The following USP2 variants were observed in gnomAD, a reference collection of about 807,000 sequenced individuals.
USP2 encodes the protein ubiquitin carboxyl-terminal hydrolase 2.
Under a neutral mutation model 72.0 loss-of-function variants are expected in USP2, and 33 were observed. That is an observed-to-expected ratio of 0.46 (90% CI 0.35 to 0.61). The LOEUF is 0.61. Ranked by LOEUF, USP2 falls within the 20% of genes least tolerant of loss-of-function variation. The probability of loss-of-function intolerance (pLI) is 0.01; values close to 1 mark genes in which losing one functional copy is unlikely to be tolerated. For missense variants in USP2, 691 were observed against 797.8 expected (o/e 0.87, Z 1.61); for synonymous variants, 296 against 312.5 (o/e 0.95, Z 0.56).
rs1281222263 is a variant in USP2 at position 119,358,788 on chromosome 11, C to T, written c.1222G>A (p.Asp408Asn). The T allele has an allele frequency of 6.2e-7, 1 of 1,614,132 alleles. No individual in the cohort carries two copies. The highest frequency in any genetic ancestry group is 1.7e-5 in the Admixed American group (1 of 60,030). The change falls in exon 7 of 13, where the codon GAC (aspartate) becomes AAC (asparagine). Residue 408 changes from aspartate to asparagine, a missense_variant. Physicochemically the swap from Asp to Asn is conservative, Grantham distance 23. Transcript: ENST00000260187. Reference protein sequence around the residue: ...QMWRKYLEREDSRIGDLFVGQ... With the variant: ...QMWRKYLERENSRIGDLFVGQ... ...ATGCGCTTACCCCCGATCCTACTGT[C>T]TTCCCGTTCTAGATATTTTCTCCAC...
At chr11:119,371,757 C>T (rs1950929938) in intron 2 of USP2, among the ~76,000 whole-genome samples, 1 of 152,108 alleles carries the variant, frequency 6.6e-6, no homozygotes, top group African/African-American at 2.4e-5. Context: ...AGCCCTTCTG[C>T]CCATATGCTT....
chr11:119,358,043 T>C lies in USP2; in HGVS notation c.1360A>G (p.Thr454Ala). The change falls in exon 9 of 13, where the codon ACA (threonine) becomes GCA (alanine). Residue 454 changes from threonine (T) to alanine (A), a missense_variant. By Grantham distance (58) the Thr-to-Ala change is moderately conservative (BLOSUM62 0). Transcript: ENST00000260187. ...PIAKRGYPEV[T>A]LMDCMRLFTK... ...AAGAGCCTCATGCAGTCCATTAATG[T>C]CACCTCAGGATAACCTCGCTGGGAA... 6.2e-7 allele frequency: 1 copy of C among 1,614,150 alleles called. No homozygotes were observed. Among genetic ancestry groups the C allele is most frequent in the South Asian group, 1.1e-5 (1 of 91,078 alleles).
chr11:119,372,599 A>G (rs1186369956), intron 2 of USP2, 108 bp downstream of exon 2: 16 of 1,140,084 alleles, frequency 1.4e-5, no homozygotes, highest in Non-Finnish European at 1.9e-5. Flanking sequence ...CTCCACCAGG[A>G]GCAGCCTGTC....
chr11:119,373,852 C>T (rs573968555), intron 1 of USP2, among the ~76,000 whole-genome samples: 49 of 152,344 alleles, frequency 3.2e-4, no homozygotes, highest in Admixed American at 2.0e-3. Flanking sequence ...TCTTCCAGGT[C>T]AAATCCCATT....
At position 119,379,183 on chromosome 11, in the gene USP2, G is replaced by C. The variant is rs1951033980; in HGVS notation, c.-42+2290C>G. On this transcript the variant is annotated intron_variant, in intron 1 of 12. Transcript: ENST00000260187. ...GACCTCGCAGACTCGCAGAGATGGC[G>C]AGTGCAACTCACTTGCATTCCAAGC... The C allele has an allele frequency of 7.1e-6, 7 of 985,356 alleles. No individual in the cohort carries two copies. In the South Asian group the frequency reaches 3.3e-4, roughly 46 times the overall value. 61.0% of individuals were successfully genotyped at this position (985,356 alleles called of 1,614,324 possible).
intron 2 of USP2, among the ~76,000 whole-genome samples, chr11:119,364,539 C>A (rs1013936993): frequency 2.6e-5 from 4 of 152,222 alleles, no homozygotes; most frequent in African/African-American, 9.6e-5. Flanking sequence ...GGGTGAGCTT[C>A]CCCCAAGGCA....
intron 2 of USP2, chr11:119,363,901 G>T (rs1250387375): frequency 7.5e-7 from 1 of 1,328,946 alleles, no homozygotes. Flanking sequence ...CAGGGACGGG[G>T]AGAGAGGGGA....
chr11:119,370,727 C>T (rs1170054700), intron 2 of USP2, among the ~76,000 whole-genome samples: 1 of 152,206 alleles, frequency 6.6e-6, no homozygotes, highest in Non-Finnish European at 1.5e-5. Flanking sequence ...ACTAGCTCAA[C>T]TGCAGGGCAT....
chr11:119,360,412 ATTTTCTTTTC>A (rs201575647), intron 2 of USP2, 178 bp from the exon 3 acceptor site: 1 of 699,020 alleles, frequency 1.4e-6, no homozygotes, highest in Non-Finnish European at 2.5e-6. Flanking sequence ...AATGCCTGTG[ATTTTCTTTTC>A]TTTTCTTTTT....
chr11:119,362,502 G>T (rs952646293), intron 2 of USP2, among the ~76,000 whole-genome samples: 1 of 152,106 alleles, frequency 6.6e-6, no homozygotes, highest in African/African-American at 2.4e-5. Flanking sequence ...TGTAGAAGGC[G>T]GGTGGATAAC....
Position 119,360,327 on chromosome 11 carries a change from C to G in USP2, c.775-93G>C, listed in dbSNP as rs116519877. On this transcript the variant is annotated intron_variant, in intron 2 of 12. Coordinates refer to ENST00000260187, the MANE Select transcript of USP2 (RefSeq NM_004205.5). ...TGCAATTTCTAACCAGCTGGAGCCA[C>G]AGGCAGCAGGCCACACATAATATTC... 4.2e-4 allele frequency: 516 copies of G among 1,238,692 alleles called. 2 individuals carry two copies. In the African/African-American group the frequency reaches 6.6e-3, roughly 16 times the overall value. 76.7% of individuals were successfully genotyped at this position (1,238,692 alleles called of 1,614,324 possible). A position where few individuals can be genotyped will look rare whatever the true frequency, so the allele number is the denominator to read the frequency against.
rs1843435760 is a variant in USP2, at chr11:119,381,679, C to T, written c.-248G>A. ...TCGGCGCCACCCAGCGGGCAGCCGC[C>T]TCATCGCGCCTGGGCCGGCAGAGCC... On this transcript the variant is annotated 5_prime_UTR_variant, in exon 1 of 13. Coordinates refer to ENST00000260187, the MANE Select transcript of USP2 (RefSeq NM_004205.5). The T allele has an allele frequency of 1.2e-6, 1 of 858,466 alleles. No homozygotes were observed. Among genetic ancestry groups the T allele is most frequent in the Non-Finnish European group, 1.9e-6 (1 of 537,020 alleles). 53.2% of individuals were successfully genotyped at this position (858,466 alleles called of 1,614,324 possible). A position where few individuals can be genotyped will look rare whatever the true frequency, so the allele number is the denominator to read the frequency against.
intron 1 of USP2, chr11:119,376,339 G>A (rs1159724892): frequency 3.6e-5 from 35 of 985,480 alleles, no homozygotes; most frequent in East Asian, 1.1e-4. Context: ...ACGTGGCTGC[G>A]AGTCTCCCTG....
intron 1 of USP2, among the ~76,000 whole-genome samples, chr11:119,379,917 CTTTTTTTTT>C (rs397816714): frequency 8.6e-5 from 10 of 116,546 alleles, no homozygotes; most frequent in African/African-American, 1.3e-4. Context: ...GTTCCTTTCT[CTTTTTTTTT>C]TTTTTTTTTT....
chr11:119,366,707 T>A (rs1285400297), intron 2 of USP2, among the ~76,000 whole-genome samples: 1 of 151,950 alleles, frequency 6.6e-6, no homozygotes, highest in African/African-American at 2.4e-5. Flanking sequence ...CCTCAGAGGG[T>A]GGGGTGTGAG....
chr11:119,371,718 C>T (rs1950929318), intron 2 of USP2, among the ~76,000 whole-genome samples: 1 of 152,130 alleles, frequency 6.6e-6, no homozygotes, highest in Non-Finnish European at 1.5e-5. Flanking sequence ...GGGAGGGGTA[C>T]ATAAGGTAAT....
At position 119,357,567 on chromosome 11, in the gene USP2, T is replaced by C. The variant is rs1477707350; in HGVS notation, c.1525A>G (p.Arg509Gly). ...VLHLKRFSES[R>G]IRTSKLTTFV... ...GTTGTGAGCTTGCTGGTTCGGATCC[T>C]GGATTCTGAGAACCGCTTCAGATCT... Residue 509 changes from arginine (R) to glycine (G), a missense_variant, in exon 11 of 13, where the codon AGG becomes GGG. Physicochemically the swap from Arg to Gly is moderately radical, Grantham distance 125. Coordinates refer to ENST00000260187, the MANE Select transcript of USP2 (RefSeq NM_004205.5). 2.5e-6 allele frequency: 4 copies of C among 1,614,242 alleles called. No homozygotes were observed. The highest frequency in any genetic ancestry group is 4.5e-5 in the East Asian group (2 of 44,892).
chr11:119,365,518 G>A (rs1055913987), intron 2 of USP2, among the ~76,000 whole-genome samples: 3 of 152,122 alleles, frequency 2.0e-5, no homozygotes, highest in Admixed American at 1.3e-4. Context: ...TCTGGACCCC[G>A]GACAAACTGC....
In USP2 at chr11:119,357,827, A is replaced by G. The variant is rs189608025; in HGVS notation, c.1431T>C (p.Cys477=). ...TACACCGTTTTCTGCCTCGGCAGCG[A>G]CAGCATGTCTGAGAGACAAGACAAA... ...VLDGDEKPTC[C]RCRGRKRCIK... is the part of the protein sequence containing the mutation. The change falls in exon 10 of 13, where the codon TGT becomes TGC. Residue 477 remains cysteine (C), a synonymous_variant. Coordinates refer to ENST00000260187, the MANE Select transcript of USP2 (RefSeq NM_004205.5). 1 of 1,613,194 alleles carries G rather than the reference A, an allele frequency of 6.2e-7. No homozygotes were observed. The highest frequency in any genetic ancestry group is 1.7e-5 in the Admixed American group (1 of 59,922).
Sources: allele counts gnomAD v4.1 joint callset (sites outside exome capture counted in the v4.1 genomes callset), GRCh38; gene constraint gnomAD v4.1.1; transcripts MANE v1.5; gene names NCBI Gene and HGNC (gene_info 2026-07-23, HGNC 2026-07-21).